MAGI1: variants seen among roughly 807,000 people sequenced by gnomAD.
MAGI1 encodes the protein membrane associated guanylate kinase, WW and PDZ domain containing 1, also known as membrane-associated guanylate kinase, WW and PDZ domain-containing protein 1.
Under a neutral mutation model 139.9 loss-of-function variants are expected in MAGI1, and 58 were observed. That is an observed-to-expected ratio of 0.41 (90% confidence interval 0.34 to 0.52). The LOEUF (loss-of-function observed/expected upper bound fraction) is 0.52, where lower values mean the gene tolerates loss of function less well. MAGI1 is among the 20% of genes least tolerant of loss of function. The pLI is 0.12. For missense variants in MAGI1, 1,874 were observed against 1,901.6 expected (o/e 0.99, Z 0.27); for synonymous variants, 812 against 737.9 (o/e 1.10, Z -1.63).
intron 1 of MAGI1, among the ~76,000 whole-genome samples, chr3:65,810,763 G>T (rs1259920489): frequency 6.6e-6 from 1 of 152,182 alleles, no homozygotes; most frequent in Non-Finnish European, 1.5e-5. Context: ...CAGGTCTACT[G>T]ACTTTCAACT....
At chr3:65,946,408 G>A (rs1269659086) in intron 1 of MAGI1, among the ~76,000 whole-genome samples, 1 of 152,060 alleles carries the variant, frequency 6.6e-6, no homozygotes, top group Non-Finnish European at 1.5e-5. Flanking sequence ...TCCTGGTTTG[G>A]AATATTAAAA....
At chr3:65,551,413 G>A (rs1559662769) in intron 2 of MAGI1, among the ~76,000 whole-genome samples, 2 of 152,108 alleles carry the variant, frequency 1.3e-5, no homozygotes, top group Admixed American at 6.5e-5. Flanking sequence ...CGATTCTCAC[G>A]CCTCAGCTCC....
chr3:65,561,661 T>C (rs918400217), intron 2 of MAGI1, among the ~76,000 whole-genome samples: 1 of 152,216 alleles, frequency 6.6e-6, no homozygotes, highest in African/African-American at 2.4e-5. Flanking sequence ...AACTCTCGTT[T>C]TATACATGAC....
intron 1 of MAGI1, among the ~76,000 whole-genome samples, chr3:65,850,059 A>G (rs746620814): frequency 3.3e-5 from 5 of 152,200 alleles, no homozygotes; most frequent in Non-Finnish European, 1.5e-5. Context: ...GTCATACCCT[A>G]TATTTTTTTC....
chr3:65,858,503 C>A (rs946820185), intron 1 of MAGI1, among the ~76,000 whole-genome samples: 9 of 152,094 alleles, frequency 5.9e-5, no homozygotes, highest in Admixed American at 3.9e-4. Context: ...AGATAAGAAC[C>A]AAGATTTTCA....
chr3:66,026,442 A>C (rs2068264594), intron 1 of MAGI1, among the ~76,000 whole-genome samples: 1 of 152,104 alleles, frequency 6.6e-6, no homozygotes, highest in South Asian at 2.1e-4. Flanking sequence ...TCTAGCCAAC[A>C]AGATCTCAGA....
intron 2 of MAGI1, among the ~76,000 whole-genome samples, chr3:65,596,787 T>TA (rs2082225932): frequency 6.6e-6 from 1 of 152,232 alleles, no homozygotes; most frequent in African/African-American, 2.4e-5. Flanking sequence ...AAAAGCCTTT[T>TA]AGCTCCCAAG....
Position 66,038,138 on chromosome 3 carries a change from G to T in MAGI1, c.171C>A (p.Gly57=). ...CGCCCAGCCTCGGGCCCTCGCCGCC[G>T]CCGGGAAGCCCCGCTGCCTCGACCG... ...VAAVEAAGLP[G]GGEGPRLGEG... The change falls in exon 1 of 23, where the codon GGC becomes GGA. Residue 57 remains glycine (G), a synonymous_variant. Transcript: ENST00000402939. The T allele has an allele frequency of 1.2e-6, 2 of 1,611,958 alleles. No homozygotes were observed. The highest frequency in any genetic ancestry group is 2.2e-5 in the East Asian group (1 of 44,796).
At chr3:65,634,111 T>A (rs533534665) in intron 1 of MAGI1, among the ~76,000 whole-genome samples, 1 of 152,238 alleles carries the variant, frequency 6.6e-6, no homozygotes, top group South Asian at 2.1e-4. Context: ...TACAGAAGTA[T>A]AAACTGAGGC....
At chr3:65,374,178 G>C in intron 18 of MAGI1, among the ~76,000 whole-genome samples, 1 of 152,068 alleles carries the variant, frequency 6.6e-6, no homozygotes, top group East Asian at 1.9e-4. Flanking sequence ...TAGCAAGACT[G>C]AAAAAAGACA....
chr3:65,780,584 C>G (rs912632632), intron 1 of MAGI1, among the ~76,000 whole-genome samples: 12 of 152,124 alleles, frequency 7.9e-5, no homozygotes, highest in African/African-American at 2.9e-4. Flanking sequence ...AAATGGTTAA[C>G]AGCTGACTTA....
At chr3:65,790,353 A>G (rs1487552157) in intron 1 of MAGI1, among the ~76,000 whole-genome samples, 1 of 152,220 alleles carries the variant, frequency 6.6e-6, no homozygotes. Context: ...AACAAAAAAG[A>G]CATGGAAGTC....
chr3:65,680,441 G>C (rs557898299), intron 1 of MAGI1, among the ~76,000 whole-genome samples: 1 of 152,288 alleles, frequency 6.6e-6, no homozygotes, highest in East Asian at 1.9e-4. Flanking sequence ...TTTAAAGACA[G>C]TCTCTTGCTC....
intron 3 of MAGI1, among the ~76,000 whole-genome samples, chr3:65,491,728 C>T (rs1952049882): frequency 6.6e-6 from 1 of 151,118 alleles, no homozygotes; most frequent in Admixed American, 6.6e-5. Context: ...TCCTAGACCT[C>T]GATTACTCTC....
At chr3:66,031,607 C>T (rs2068595753) in intron 1 of MAGI1, among the ~76,000 whole-genome samples, 1 of 151,806 alleles carries the variant, frequency 6.6e-6, no homozygotes, top group South Asian at 2.1e-4. Context: ...CAGTGTTCCA[C>T]AGTGTAACCT....
At chr3:65,611,898 T>C (rs1450395645) in intron 2 of MAGI1, among the ~76,000 whole-genome samples, 2 of 151,890 alleles carry the variant, frequency 1.3e-5, no homozygotes, top group South Asian at 4.1e-4. Context: ...TCAGTGAAGA[T>C]ACTAATAGTA....
intron 1 of MAGI1, among the ~76,000 whole-genome samples, chr3:65,966,455 T>C (rs1016992125): frequency 1.3e-5 from 2 of 152,184 alleles, no homozygotes; most frequent in Admixed American, 6.5e-5. Context: ...TGCCACCTTA[T>C]AGAATCCTGA....
At chr3:65,566,778 G>A (rs1412279120) in intron 2 of MAGI1, among the ~76,000 whole-genome samples, 1 of 152,068 alleles carries the variant, frequency 6.6e-6, no homozygotes, top group African/African-American at 2.4e-5. Context: ...CAGGACCTCT[G>A]AGATGTCAGA....
intron 1 of MAGI1, among the ~76,000 whole-genome samples, chr3:65,742,583 T>C (rs990411928): frequency 2.6e-5 from 4 of 152,190 alleles, no homozygotes; most frequent in Non-Finnish European, 4.4e-5. Flanking sequence ...AAAGGAGATA[T>C]TGTGTGTGAG....
Sources: allele counts gnomAD v4.1 joint callset (sites outside exome capture counted in the v4.1 genomes callset), GRCh38; gene constraint gnomAD v4.1.1; transcripts MANE v1.5; gene names NCBI Gene and HGNC (gene_info 2026-07-23, HGNC 2026-07-21).